The following LRSAM1 variants were observed in gnomAD, a reference collection of about 807,000 sequenced individuals.
LRSAM1 encodes the protein leucine rich repeat and sterile alpha motif containing 1.
LRSAM1 carries 96 observed loss-of-function variants against 118.1 expected under a neutral mutation model. The ratio of observed to expected loss-of-function variants is 0.81; its 90% confidence interval spans 0.69 to 0.96. The LOEUF (loss-of-function observed/expected upper bound fraction) is 0.96. Among genes scored for constraint, LRSAM1 ranks in the 40% least tolerant of loss-of-function variants. The probability of loss-of-function intolerance (pLI) is 0.00; values close to 1 mark genes in which losing one functional copy is unlikely to be tolerated. For synonymous variants in LRSAM1, 322 were observed against 364.2 expected, an observed-to-expected ratio of 0.88 and a Z score of 1.32; for missense variants, 804 against 915.5, an observed-to-expected ratio of 0.88 and a Z score of 1.57.
rs771510127 is a variant in LRSAM1 at position 127,479,406 on chromosome 9, C to G, written c.804C>G (p.Leu268=). 2 of 1,614,166 alleles carry G rather than the reference C, an allele frequency of 1.2e-6. No individual in the cohort carries two copies. The highest frequency in any genetic ancestry group is 1.7e-5 in the Admixed American group (1 of 60,022). The change falls in exon 13 of 26, where the codon CTC becomes CTG. Residue 268 remains leucine (L), a synonymous_variant. Transcript: ENST00000300417. The stretch of plus-strand genomic sequence containing the variant: ...AGGAACAGAAGATGCTGGAGAAACT[C>G]GAGTTTGAACGGCGCCTGGAACTGG... ...KRKEQKMLEK[L]EFERRLELGQ...
chr9:127,495,948 C>T lies in LRSAM1; in HGVS notation c.1699-16C>T, dbSNP rs201702419. The T allele has an allele frequency of 9.9e-5, 159 of 1,611,902 alleles. 1 individual carries two copies. The highest frequency in any genetic ancestry group is 4.9e-4 in the Middle Eastern group (3 of 6,084). On this transcript the variant is annotated splice_polypyrimidine_tract_variant and intron_variant, in intron 22 of 25. Transcript: ENST00000300417. ...TTTCTTCCTTCCTGCTCATGGTACA[C>T]GTTTCTGTCTTGCAGGAAGAGGGGA...
Position 127,502,948 on chromosome 9 carries a change from T to C in LRSAM1, c.*49T>C. The C allele has an allele frequency of 6.4e-7, 1 of 1,555,932 alleles. No homozygotes were observed. Among genetic ancestry groups the C allele is most frequent in the Middle Eastern group, 2.2e-4 (1 of 4,512 alleles). ...GGTCCTAGCCCTGCCTCGGCCACTG[T>C]GAGCCCCGGGCTCCTGCTCAGCCTT... On this transcript the variant is annotated 3_prime_UTR_variant, in exon 26 of 26. Transcript: ENST00000300417.
At chr9:127,496,604 C>T (rs567075201) in intron 23 of LRSAM1, among the ~76,000 whole-genome samples, 5 of 152,332 alleles carry the variant, frequency 3.3e-5, no homozygotes, top group East Asian at 1.9e-4. Flanking sequence ...TGAATTCTCC[C>T]GACAGCCCAG....
chr9:127,454,894 C>G (rs1834459677), intron 3 of LRSAM1, 104 bp from the exon 4 acceptor site: 1 of 1,135,198 alleles, frequency 8.8e-7, no homozygotes, highest in Admixed American at 1.7e-5. Context: ...CAGATAGTGT[C>G]TATGGTCCTT....
intron 21 of LRSAM1, among the ~76,000 whole-genome samples, chr9:127,494,056 C>T (rs552908625): frequency 6.6e-6 from 1 of 152,366 alleles, no homozygotes; most frequent in African/African-American, 2.4e-5. Flanking sequence ...GCAGATGGTG[C>T]CTTGGCGCTG....
intron 10 of LRSAM1, among the ~76,000 whole-genome samples, chr9:127,468,779 G>A (rs1235835850): frequency 8.1e-6 from 1 of 123,572 alleles, no homozygotes; most frequent in African/African-American, 3.1e-5. Context: ...TTTGAGACCA[G>A]CCTAGGCAAC....
intron 5 of LRSAM1, among the ~76,000 whole-genome samples, chr9:127,456,451 G>A (rs977074804): frequency 1.3e-5 from 2 of 152,060 alleles, no homozygotes; most frequent in Non-Finnish European, 2.9e-5. Flanking sequence ...GGCTGGTCTC[G>A]AACTCCTGAC....
chr9:127,455,398 G>A lies in LRSAM1; in HGVS notation c.130-178G>A, dbSNP rs1834479866. The stretch of plus-strand genomic sequence containing the variant: ...TGCCAGCTGACCGAGGGAAGGGCTG[G>A]CCACATCCCCAACACCACTGCTTGC... On this transcript the variant is annotated intron_variant, in intron 4 of 25. Coordinates refer to ENST00000300417, the MANE Select transcript of LRSAM1 (RefSeq NM_001005373.4). Among the ~76,000 whole-genome samples, 3 of 152,228 alleles carry A rather than the reference G, an allele frequency of 2.0e-5. No individual in the cohort carries two copies. In the South Asian group the frequency reaches 6.2e-4, roughly 32 times the overall value.
intron 12 of LRSAM1, 85 bp downstream of exon 12, chr9:127,479,048 C>T: frequency 2.1e-6 from 3 of 1,429,522 alleles, no homozygotes; most frequent in East Asian, 2.3e-5. Context: ...AAAATGACTT[C>T]TTCCCAGCTC....
At chr9:127,453,123 C>T (rs1042489343) in intron 2 of LRSAM1, among the ~76,000 whole-genome samples, 1 of 152,118 alleles carries the variant, frequency 6.6e-6, no homozygotes, top group Non-Finnish European at 1.5e-5. Context: ...CCTCTGTCAC[C>T]CAGGCTGGAG....
chr9:127,459,050 G>A lies in LRSAM1; in HGVS notation c.300G>A (p.Leu100=), dbSNP rs758812956. 14 of 1,613,552 alleles carry A rather than the reference G, an allele frequency of 8.7e-6. No homozygotes were observed. Among genetic ancestry groups the A allele is most frequent in the Non-Finnish European group, 1.2e-5 (14 of 1,180,010 alleles). Reference sequence around the variant, plus strand: ...AGCTGACAGCCCTTCCTGACGATCTGGGGCAGCTGACTGCCCTCCAGGTAA... The same window carrying A: ...AGCTGACAGCCCTTCCTGACGATCTAGGGCAGCTGACTGCCCTCCAGGTAA... The part of the protein sequence containing the change: ...DNQLTALPDD[L]GQLTALQVLN... Residue 100 remains leucine, a synonymous_variant, in exon 7 of 26, where the codon CTG becomes CTA. Coordinates refer to ENST00000300417, the MANE Select transcript of LRSAM1 (RefSeq NM_001005373.4).
At chr9:127,468,829 A>C (rs866929270) in intron 10 of LRSAM1, among the ~76,000 whole-genome samples, 7 of 148,710 alleles carry the variant, frequency 4.7e-5, no homozygotes, top group Non-Finnish European at 9.0e-5. Context: ...AAAAAAAAAA[A>C]AAAAAAAAAA....
intron 25 of LRSAM1, among the ~76,000 whole-genome samples, chr9:127,501,425 C>A (rs1193800238): frequency 6.6e-6 from 1 of 152,086 alleles, no homozygotes; most frequent in East Asian, 1.9e-4. Context: ...ATTTACCCTG[C>A]AGAGGCTTTA....
rs756557269 is a variant in LRSAM1, at chr9:127,489,550, C to T, written c.1422+32C>T. On this transcript the variant is annotated intron_variant, in intron 19 of 25. Transcript: ENST00000300417. ...GCTGGGGCTGGGGTCCCTGGACCTG[C>T]TCTCTCAGAGACTTGCAGAGTGGCC... 6 of 1,581,100 alleles carry T rather than the reference C, an allele frequency of 3.8e-6. No individual in the cohort carries two copies. In the East Asian group the frequency reaches 1.4e-4, roughly 36 times the overall value.
chr9:127,475,591 T>C (rs1835323429), intron 11 of LRSAM1, among the ~76,000 whole-genome samples: 1 of 152,208 alleles, frequency 6.6e-6, no homozygotes, highest in Admixed American at 6.5e-5. Flanking sequence ...ACCATTTCCT[T>C]CCTCAAGATT....
At chr9:127,451,779 G>C (rs886063451) in intron 1 of LRSAM1, 110 bp downstream of exon 1, 1 of 177,042 alleles carries the variant, frequency 5.6e-6, no homozygotes, top group Non-Finnish European at 1.2e-5. Flanking sequence ...CTGCTCCCTC[G>C]AGCACTTGTT....
intron 24 of LRSAM1, among the ~76,000 whole-genome samples, chr9:127,499,320 G>A (rs1406956688): frequency 6.6e-6 from 1 of 152,142 alleles, no homozygotes; most frequent in African/African-American, 2.4e-5. Flanking sequence ...GCTGCAGTGA[G>A]CCATGATTGT....
At position 127,491,306 on chromosome 9, in the gene LRSAM1, C is replaced by G; in HGVS notation, c.1503+11C>G. 1 of 1,608,576 alleles carries G rather than the reference C, an allele frequency of 6.2e-7. No individual in the cohort carries two copies. Among genetic ancestry groups the G allele is most frequent in the Non-Finnish European group, 8.5e-7 (1 of 1,175,698 alleles). ...ACAGAGTCACTCCAGGTATGTAGGG[C>G]TCCCTGCCCCTGCCCTCCTTCACGT... is the stretch of plus-strand genomic sequence containing the variant. On this transcript the variant is annotated intron_variant, in intron 20 of 25. Transcript: ENST00000300417.
intron 14 of LRSAM1, among the ~76,000 whole-genome samples, chr9:127,480,948 G>A (rs1014799631): frequency 1.3e-5 from 2 of 152,092 alleles, no homozygotes; most frequent in African/African-American, 4.8e-5. Flanking sequence ...CAAAGTGCTG[G>A]GATTACAGAT....
Sources: gnomAD v4.1 joint callset for allele counts (sites outside exome capture counted in the v4.1 genomes callset) on GRCh38, gnomAD v4.1.1 for gene constraint, MANE v1.5 for transcripts, NCBI Gene and HGNC (gene_info 2026-07-23, HGNC 2026-07-21) for gene names.